PIGN: variants seen among roughly 807,000 people sequenced by gnomAD.
PIGN encodes GPI ethanolamine phosphate transferase 1.
In PIGN, 117 loss-of-function variants were observed where a neutral mutation model predicts 125.4. The observed-to-expected ratio is 0.93, with a 90% CI of 0.80 to 1.09. The LOEUF (loss-of-function observed/expected upper bound fraction) is 1.09. Ranked by LOEUF, PIGN falls within the 50% of genes least tolerant of loss-of-function variation. The probability of loss-of-function intolerance (pLI) is 0.00; values close to 1 mark genes in which losing one functional copy is unlikely to be tolerated. For missense variants in PIGN, 1,075 were observed against 1,094.9 expected (o/e 0.98, Z 0.26); for synonymous variants, 392 against 377.8 (o/e 1.04, Z -0.44).
In PIGN at chr18:62,113,150, A is replaced by T; in HGVS notation, c.1418T>A (p.Val473Asp). 6.2e-7 allele frequency: 1 copy of T among 1,608,714 alleles called. No individual in the cohort carries two copies. The highest frequency in any genetic ancestry group is 8.5e-7 in the Non-Finnish European group (1 of 1,176,990). The stretch of plus-strand genomic sequence containing the variant: ...TAAACGTACCTTCACTTCTTTACTA[A>T]CACCTTTTATAAGGTTGGAATGAGA... ...IKSHSNLIKG[V>D]SKEVKKPSHL... Residue 473 changes from valine (V) to aspartate (D), a missense_variant, in exon 16 of 31, where the codon GTT (valine) becomes GAT (aspartate). By Grantham distance (152) the Val-to-Asp change is radical. Transcript: ENST00000640252.
At chr18:62,079,713 A>T (rs1751716284) in intron 28 of PIGN, among the ~76,000 whole-genome samples, 1 of 151,382 alleles carries the variant, frequency 6.6e-6, no homozygotes, top group Admixed American at 6.6e-5. Flanking sequence ...TGATAACTGT[A>T]GAAGAAAAAA....
intron 20 of PIGN, among the ~76,000 whole-genome samples, chr18:62,104,473 A>T (rs2034563408): frequency 6.6e-6 from 1 of 152,202 alleles, no homozygotes; most frequent in South Asian, 2.1e-4. Flanking sequence ...TCATTTTGTC[A>T]TATACTATTT....
At chr18:62,165,923 G>C (rs1392752661) in intron 1 of PIGN, among the ~76,000 whole-genome samples, 1 of 152,134 alleles carries the variant, frequency 6.6e-6, no homozygotes, top group Non-Finnish European at 1.5e-5. Flanking sequence ...GAGGGAGTGA[G>C]AGTGGAATGA....
chr18:62,024,939 C>T (rs1202972026), intron 23 of PIGN, among the ~76,000 whole-genome samples: 2 of 152,128 alleles, frequency 1.3e-5, no homozygotes, highest in Non-Finnish European at 2.9e-5. Flanking sequence ...CTCAAAGAGG[C>T]CATTGAAACA....
chr18:62,113,731 GAGA>G (rs1308559723), intron 15 of PIGN, among the ~76,000 whole-genome samples: 2 of 152,004 alleles, frequency 1.3e-5, no homozygotes, highest in African/African-American at 2.4e-5. Context: ...TATTTTACAG[GAGA>G]AGAATAGCTT....
intron 25 of PIGN, among the ~76,000 whole-genome samples, chr18:62,085,599 T>C (rs1388796695): frequency 6.6e-6 from 1 of 152,130 alleles, no homozygotes; most frequent in Non-Finnish European, 1.5e-5. Context: ...ATCTAGTGTG[T>C]ATCATAGATA....
intron 14 of PIGN, among the ~76,000 whole-genome samples, chr18:62,120,644 C>G (rs1222195521): frequency 6.6e-6 from 1 of 151,650 alleles, no homozygotes; most frequent in Non-Finnish European, 1.5e-5. Context: ...TTATATTAAA[C>G]TAATAATGTG....
intron 30 of PIGN, among the ~76,000 whole-genome samples, chr18:62,067,938 T>C (rs760060918): frequency 3.4e-4 from 51 of 152,198 alleles, no homozygotes; most frequent in Admixed American, 2.8e-3. Context: ...CACCAGTAAG[T>C]TCTATGCATG....
chr18:62,029,176 G>A (rs1485480049), intron 23 of PIGN, among the ~76,000 whole-genome samples: 2 of 152,156 alleles, frequency 1.3e-5, no homozygotes, highest in Non-Finnish European at 2.9e-5. Flanking sequence ...TGCTTTGGAT[G>A]AAGAAGAAGG....
At chr18:62,117,669 T>C (rs916261675) in intron 14 of PIGN, among the ~76,000 whole-genome samples, 1 of 152,162 alleles carries the variant, frequency 6.6e-6, no homozygotes, top group Non-Finnish European at 1.5e-5. Flanking sequence ...ATTTTATAAA[T>C]AGAACTTGAA....
intron 2 of PIGN, among the ~76,000 whole-genome samples, chr18:62,162,687 T>C (rs1197111457): frequency 6.6e-6 from 1 of 152,140 alleles, no homozygotes; most frequent in African/African-American, 2.4e-5. Context: ...AGTAAGTAGA[T>C]GCTATTTTGC....
rs2030593356 is a variant in PIGN at position 62,045,394 on chromosome 18, C to G, written c.*462G>C. Reference sequence around the variant, plus strand: ...TCTTGAAATAATACACCCTGACTGTCTAACAAAACCAGTGCTGAAAGCTGA... The same window carrying G: ...TCTTGAAATAATACACCCTGACTGTGTAACAAAACCAGTGCTGAAAGCTGA... On this transcript the variant is annotated 3_prime_UTR_variant, in exon 31 of 31. Coordinates refer to ENST00000640252, the MANE Select transcript of PIGN (RefSeq NM_176787.5). The G allele has an allele frequency of 6.5e-6, 1 of 152,748 alleles. No individual in the cohort carries two copies. Among genetic ancestry groups the G allele is most frequent in the Non-Finnish European group, 1.5e-5 (1 of 68,428 alleles). The allele number at this position is 152,748 out of a possible 1,614,324, so 9.5% of individuals were successfully genotyped here. A position where few individuals can be genotyped will look rare whatever the true frequency, so the allele number is the denominator to read the frequency against.
At chr18:62,115,726 A>C (rs2035063358) in intron 14 of PIGN, among the ~76,000 whole-genome samples, 1 of 152,176 alleles carries the variant, frequency 6.6e-6, no homozygotes, top group Admixed American at 6.5e-5. Flanking sequence ...AAATGTACAT[A>C]ATCCAAAATT....
At chr18:62,157,835 AAC>A in intron 4 of PIGN, 27 bp from the exon 5 acceptor site, 1 of 1,583,094 alleles carries the variant, frequency 6.3e-7, no homozygotes, top group African/African-American at 1.3e-5. Flanking sequence ...ACAAATAGTT[AAC>A]ACAGACTATG....
At chr18:62,075,139 C>A in intron 28 of PIGN, 1 of 212,456 alleles carries the variant, frequency 4.7e-6, no homozygotes, top group Non-Finnish European at 9.5e-6. Context: ...ACAGAGGGAT[C>A]CTCTGTACCC....
At chr18:62,150,665 C>T (rs534941945) in intron 7 of PIGN, among the ~76,000 whole-genome samples, 2 of 150,054 alleles carry the variant, frequency 1.3e-5, no homozygotes, top group African/African-American at 2.4e-5. Flanking sequence ...GGTTGCCAGG[C>T]GTTGGGGGAG....
At chr18:62,129,190 T>C (rs543287696) in intron 14 of PIGN, among the ~76,000 whole-genome samples, 4 of 152,232 alleles carry the variant, frequency 2.6e-5, no homozygotes, top group East Asian at 3.9e-4. Flanking sequence ...TAGCTTGAGA[T>C]TGATCATAGT....
chr18:62,137,621 G>C lies in PIGN; in HGVS notation c.1172+622C>G, dbSNP rs184051378. ...CCGGCTAATTTTTGCATTTTTACTA[G>C]AGACGGGGTTTCACCATGTTGCCCA... On this transcript the variant is annotated intron_variant, in intron 14 of 30. Transcript: ENST00000640252. 285 of 152,590 alleles carry C rather than the reference G, an allele frequency of 1.9e-3. 4 individuals are homozygous for C. Among genetic ancestry groups the C allele is most frequent in the Non-Finnish European group, 2.1e-3 (142 of 68,404 alleles). The allele number at this position is 152,590 out of a possible 1,614,324, so 9.5% of individuals were successfully genotyped here.
At chr18:62,143,711 G>A (rs2036218943) in intron 10 of PIGN, among the ~76,000 whole-genome samples, 1 of 152,080 alleles carries the variant, frequency 6.6e-6, no homozygotes, top group Admixed American at 6.5e-5. Flanking sequence ...AGTTATTAAG[G>A]CAATTCATAG....
Sources: allele counts gnomAD v4.1 joint callset (sites outside exome capture counted in the v4.1 genomes callset), GRCh38; gene constraint gnomAD v4.1.1; transcripts MANE v1.5; gene names NCBI Gene and HGNC (gene_info 2026-07-23, HGNC 2026-07-21).